The following CLEC1B variants were observed in gnomAD, a reference collection of about 807,000 sequenced individuals.
CLEC1B encodes the protein C-type lectin-like receptor 2.
In CLEC1B, 26 loss-of-function variants were observed where a neutral mutation model predicts 26.7. The observed-to-expected ratio is 0.97, with a 90% confidence interval of 0.71 to 1.35. The LOEUF (loss-of-function observed/expected upper bound fraction) is 1.35. Ranked by LOEUF, CLEC1B falls within the 40% of genes most tolerant of loss-of-function variation. The pLI is 0.00. For synonymous variants in CLEC1B, 112 were observed against 96.0 expected (o/e 1.17, Z -0.97); for missense variants, 293 against 282.6 (o/e 1.04, Z -0.26).
At chr12:9,994,566 T>G (rs1426923057) in intron 5 of CLEC1B, among the ~76,000 whole-genome samples, 1 of 152,052 alleles carries the variant, frequency 6.6e-6, no homozygotes, top group African/African-American at 2.4e-5. Context: ...GCAACTCCAC[T>G]CAATGCAATC....
intron 5 of CLEC1B, among the ~76,000 whole-genome samples, chr12:9,993,990 G>A (rs993080864): frequency 1.3e-5 from 2 of 151,980 alleles, no homozygotes; most frequent in Non-Finnish European, 2.9e-5. Context: ...GGGCGATACC[G>A]GTAAGAAGCC....
chr12:9,998,984 A>T (rs1865120090), intron 1 of CLEC1B, 53 bp downstream of exon 1: 4 of 1,030,390 alleles, frequency 3.9e-6, no homozygotes, highest in Non-Finnish European at 6.0e-6. Flanking sequence ...AAAGAATTGA[A>T]TCAACTCATT....
Position 9,997,258 on chromosome 12 carries a change from A to G in CLEC1B, c.185T>C (p.Leu62Pro), listed in dbSNP as rs775550521. Residue 62 changes from leucine to proline, a missense_variant, in exon 3 of 6, where the codon CTA (leucine) becomes CCA (proline). Transcript: ENST00000298527. Reference protein sequence around the residue: ...GIWSVMQRNYLQGENENRTGT... With the variant: ...GIWSVMQRNYPQGENENRTGT... ...TGTGCGATTTTCATTCTCACCTTGT[A>G]GGTAATTGCGCTGCATGACAGCTAG... The G allele has an allele frequency of 5.0e-6, 8 of 1,612,424 alleles. No homozygotes were observed. Among genetic ancestry groups the G allele is most frequent in the Non-Finnish European group, 6.8e-6 (8 of 1,178,752 alleles).
At chr12:10,001,254 T>G (rs1159277161), upstream of CLEC1B, among the ~76,000 whole-genome samples, 1 of 152,216 alleles carries the variant, frequency 6.6e-6, no homozygotes, top group East Asian at 1.9e-4. Context: ...TCCCATGTAT[T>G]TTTGTAAACC....
chr12:9,993,585 G>A (rs763639918), intron 5 of CLEC1B, among the ~76,000 whole-genome samples: 1 of 152,000 alleles, frequency 6.6e-6, no homozygotes, highest in Non-Finnish European at 1.5e-5. Context: ...ATGGGAAAAC[G>A]CATTATCTAC....
chr12:9,993,081 C>A lies in CLEC1B; in HGVS notation c.*62G>T. The A allele has an allele frequency of 6.7e-7, 1 of 1,482,496 alleles. No homozygotes were observed. Among genetic ancestry groups the A allele is most frequent in the South Asian group, 1.3e-5 (1 of 79,440 alleles). 91.8% of individuals were successfully genotyped at this position (1,482,496 alleles called of 1,614,324 possible). ...AGCAATTTTCAGCTACTGATGCATT[C>A]ATACATATCTTTTATTGTACAATAA... On this transcript the variant is annotated 3_prime_UTR_variant, in exon 6 of 6. Coordinates refer to ENST00000298527, the MANE Select transcript of CLEC1B (RefSeq NM_016509.4).
At chr12:9,995,601 C>T in intron 4 of CLEC1B, 1 of 342,694 alleles carries the variant, frequency 2.9e-6, no homozygotes, top group East Asian at 7.8e-5. Context: ...CAAAGAAATA[C>T]ATTGTTGATG....
At chr12:10,001,044 T>C, upstream of CLEC1B, among the ~76,000 whole-genome samples, 1 of 152,222 alleles carries the variant, frequency 6.6e-6, no homozygotes, top group East Asian at 1.9e-4. Flanking sequence ...AACAGGTACA[T>C]ATGAAAACTT....
Position 9,999,066 on chromosome 12 carries a change from A to G in CLEC1B, c.35T>C (p.Ile12Thr). The change falls in exon 1 of 6, where the codon ATT becomes ACT. Residue 12 changes from isoleucine (I) to threonine (T), a missense_variant. Physicochemically the swap from Ile to Thr is moderately conservative, Grantham distance 89 (BLOSUM62 -1). Coordinates refer to ENST00000298527, the MANE Select transcript of CLEC1B (RefSeq NM_016509.4). ...QDEDGYITLN[I>T]KTRKPALISV... Reference sequence around the variant, plus strand: ...GATGAGAGCTGGTTTCCGAGTTTTAATATTTAAGGTGATGTATCCATCTTC... The same window carrying G: ...GATGAGAGCTGGTTTCCGAGTTTTAGTATTTAAGGTGATGTATCCATCTTC... 1 of 1,608,658 alleles carries G rather than the reference A, an allele frequency of 6.2e-7. No homozygotes were observed. The highest frequency in any genetic ancestry group is 8.5e-7 in the Non-Finnish European group (1 of 1,176,360).
At chr12:9,994,882 C>G (rs1161047582) in intron 5 of CLEC1B, 44 of 791,694 alleles carry the variant, frequency 5.6e-5, no homozygotes, top group Non-Finnish European at 8.0e-5. Context: ...CACAGTGTTC[C>G]ATGGTAAGGT....
chr12:9,997,470 G>C (rs584856), intron 2 of CLEC1B, among the ~76,000 whole-genome samples, 191 bp from the exon 3 acceptor site: 27 of 151,762 alleles, frequency 1.8e-4, no homozygotes, highest in East Asian at 1.9e-4. Flanking sequence ...CAGAACTGAC[G>C]CCTGAGGGTT....
At chr12:9,994,883 A>G (rs896271576) in intron 5 of CLEC1B, 5 of 803,526 alleles carry the variant, frequency 6.2e-6, no homozygotes, top group Non-Finnish European at 9.0e-6. Context: ...ACAGTGTTCC[A>G]TGGTAAGGTT....
upstream of CLEC1B, chr12:9,999,125 C>A: frequency 6.4e-7 from 1 of 1,550,862 alleles, no homozygotes; most frequent in Non-Finnish European, 8.8e-7. Context: ...TGCAACTGAG[C>A]TCAGAGTTCA....
intron 4 of CLEC1B, chr12:9,995,539 T>C (rs558612150): frequency 8.1e-6 from 3 of 372,228 alleles, no homozygotes; most frequent in African/African-American, 6.3e-5. Context: ...TACTCCCAAA[T>C]AGAATACCAA....
chr12:9,996,736 T>C, intron 4 of CLEC1B, 110 bp downstream of exon 4: 1 of 1,108,678 alleles, frequency 9.0e-7, no homozygotes, highest in Non-Finnish European at 1.4e-6. Flanking sequence ...CTTAGATTAG[T>C]ACAAACTGAA....
intron 4 of CLEC1B, among the ~76,000 whole-genome samples, chr12:9,996,532 AGC>A: frequency 6.6e-6 from 1 of 152,218 alleles, no homozygotes; most frequent in Non-Finnish European, 1.5e-5. Flanking sequence ...TGGACAGCAC[AGC>A]AAGTTAGAAC....
intron 5 of CLEC1B, 167 bp from the exon 6 acceptor site, chr12:9,993,454 C>T: frequency 1.6e-6 from 1 of 641,842 alleles, no homozygotes; most frequent in East Asian, 2.8e-5. Context: ...CCCTGCTTGG[C>T]AGTACAAGAT....
rs1037657652 is a variant in CLEC1B at position 9,995,421 on chromosome 12, T to TA, written c.439-176dup. ...TACCAATTTGACTTGTCTGAGAACT[T>TA]AAAAAAAACTTATAGGACACAGGTA... On this transcript the variant is annotated intron_variant, in intron 4 of 5. Coordinates refer to ENST00000298527, the MANE Select transcript of CLEC1B (RefSeq NM_016509.4). 353 of 609,288 alleles carry TA rather than the reference T, an allele frequency of 5.8e-4. 1 individual carries two copies. The Middle Eastern group carries it at 7.7e-3, about 13-fold the overall frequency. The allele number at this position is 609,288 out of a possible 1,614,324, so 37.7% of individuals were successfully genotyped here. A position where few individuals can be genotyped will look rare whatever the true frequency, so the allele number is the denominator to read the frequency against.
At position 9,996,845 on chromosome 12, in the gene CLEC1B, C is replaced by A. The variant is rs757348984; in HGVS notation, c.438+1G>T. 1.9e-6 allele frequency: 3 copies of A among 1,613,838 alleles called. No homozygotes were observed. Among genetic ancestry groups the A allele is most frequent in the Non-Finnish European group, 2.5e-6 (3 of 1,179,904 alleles). ...AATATTTGACATAAGAATCTTCTTA[C>A]CACAATGTTCCGGTTGTCAATCTTC... is the stretch of plus-strand genomic sequence containing the variant. On this transcript the variant is annotated splice_donor_variant, in intron 4 of 5. Coordinates refer to ENST00000298527, the MANE Select transcript of CLEC1B (RefSeq NM_016509.4). LOFTEE classifies it high-confidence loss of function.
Sources: gnomAD v4.1 joint callset for allele counts (sites outside exome capture counted in the v4.1 genomes callset) on GRCh38, gnomAD v4.1.1 for gene constraint, MANE v1.5 for transcripts, NCBI Gene and HGNC (gene_info 2026-07-23, HGNC 2026-07-21) for gene names.